Variants in ARMH3 observed in about 807,000 individuals in gnomAD.
ARMH3 encodes armadillo like helical domain containing 3.
A neutral mutation model predicts 99.1 loss-of-function variants in ARMH3; 60 were observed. That is an observed-to-expected ratio of 0.61 (90% CI 0.49 to 0.75). The LOEUF (loss-of-function observed/expected upper bound fraction) is 0.75. Among genes scored for constraint, ARMH3 ranks in the 30% least tolerant of loss-of-function variants. The pLI is 0.00. For synonymous variants in ARMH3, 285 were observed against 292.8 expected, an observed-to-expected ratio of 0.97 and a Z score of 0.27; for missense variants, 679 against 843.1, an observed-to-expected ratio of 0.81 and a Z score of 2.41.
At chr10:102,004,258 T>C (rs2066432891) in intron 14 of ARMH3, among the ~76,000 whole-genome samples, 1 of 152,114 alleles carries the variant, frequency 6.6e-6, no homozygotes, top group Admixed American at 6.6e-5. Flanking sequence ...ATAATTAAGA[T>C]CTAAAAATTA....
chr10:101,890,533 C>A (rs937340238), intron 23 of ARMH3, among the ~76,000 whole-genome samples: 4 of 152,176 alleles, frequency 2.6e-5, no homozygotes, highest in Non-Finnish European at 4.4e-5. Flanking sequence ...TGAGCCACAG[C>A]GGCTGGCCAA....
chr10:101,917,152 C>G (rs1211025596), intron 23 of ARMH3, among the ~76,000 whole-genome samples: 2 of 152,140 alleles, frequency 1.3e-5, no homozygotes, highest in African/African-American at 4.8e-5. Flanking sequence ...GTATACAGTT[C>G]TGCAAGTTTT....
At chr10:102,003,309 C>G (rs926843773) in intron 14 of ARMH3, among the ~76,000 whole-genome samples, 3 of 152,020 alleles carry the variant, frequency 2.0e-5, no homozygotes, top group African/African-American at 7.2e-5. Context: ...ATTACAGGCA[C>G]CCACCACCAT....
chr10:101,890,684 A>G (rs182636841), intron 23 of ARMH3, among the ~76,000 whole-genome samples: 17 of 152,358 alleles, frequency 1.1e-4, no homozygotes, highest in African/African-American at 3.6e-4. Flanking sequence ...TGGGAAACAC[A>G]GTAACTTTAT....
chr10:102,033,437 T>G (rs2067180456), intron 2 of ARMH3, 98 bp from the exon 3 acceptor site: 2 of 1,235,586 alleles, frequency 1.6e-6, no homozygotes, highest in African/African-American at 3.0e-5. Context: ...TTTTTTTTTT[T>G]GAGATGGAAT....
intron 23 of ARMH3, among the ~76,000 whole-genome samples, chr10:101,935,180 T>TATATATATATATATATATATATATATAG (rs1843905422): frequency 6.9e-6 from 1 of 145,162 alleles, no homozygotes; most frequent in Admixed American, 6.9e-5. Context: ...GAGCAATATA[T>TATATATATATATATATATATATATATAG]ATATATATAT....
At chr10:102,047,967 G>A (rs770754444) in intron 1 of ARMH3, among the ~76,000 whole-genome samples, 9 of 152,046 alleles carry the variant, frequency 5.9e-5, no homozygotes, top group Non-Finnish European at 8.8e-5. Context: ...TACAATACTC[G>A]AGGCAGCCTC....
intron 23 of ARMH3, among the ~76,000 whole-genome samples, chr10:101,920,299 G>A (rs540016023): frequency 9.1e-4 from 139 of 152,314 alleles, no homozygotes; most frequent in Non-Finnish European, 1.2e-3. Flanking sequence ...AGGCAGGGAG[G>A]AATGGTATAT....
intron 22 of ARMH3, among the ~76,000 whole-genome samples, chr10:101,942,919 C>T (rs1033944819): frequency 6.6e-6 from 1 of 151,580 alleles, no homozygotes; most frequent in East Asian, 1.9e-4. Flanking sequence ...CAGTAACTTA[C>T]CCTCCTACCT....
chr10:101,964,635 T>C (rs1427993595), intron 20 of ARMH3, among the ~76,000 whole-genome samples: 1 of 152,240 alleles, frequency 6.6e-6, no homozygotes, highest in Non-Finnish European at 1.5e-5. Flanking sequence ...GGACAAATGC[T>C]GTTTAATTCC....
At chr10:101,969,164 T>C (rs1368531854) in intron 20 of ARMH3, among the ~76,000 whole-genome samples, 3 of 152,180 alleles carry the variant, frequency 2.0e-5, no homozygotes, top group African/African-American at 7.2e-5. Context: ...GCCTGGATAC[T>C]CTCTTCAAAA....
chr10:102,018,939 G>A (rs968717936), intron 8 of ARMH3, among the ~76,000 whole-genome samples: 16 of 151,954 alleles, frequency 1.1e-4, no homozygotes, highest in African/African-American at 3.4e-4. Flanking sequence ...CCTGGGCAAC[G>A]GAGTGAGACT....
intron 23 of ARMH3, among the ~76,000 whole-genome samples, chr10:101,916,958 T>C (rs1843113639): frequency 6.6e-6 from 1 of 152,162 alleles, no homozygotes. Context: ...ACCACCCAAG[T>C]TCTCAGTCCT....
At chr10:101,887,216 T>C (rs2067569581) in intron 24 of ARMH3, among the ~76,000 whole-genome samples, 1 of 152,064 alleles carries the variant, frequency 6.6e-6, no homozygotes, top group Non-Finnish European at 1.5e-5. Context: ...ATTTTGAGGG[T>C]GGCTCTCAAG....
intron 22 of ARMH3, among the ~76,000 whole-genome samples, chr10:101,944,257 TATATATATATATATATAG>T (rs1844380618): frequency 1.6e-5 from 1 of 62,164 alleles, no homozygotes; most frequent in Non-Finnish European, 2.8e-5. Context: ...TATATATATA[TATATATATATATATATAG>T]AGAGAGAGAG....
At chr10:101,968,048 A>T (rs1034659029) in intron 20 of ARMH3, among the ~76,000 whole-genome samples, 3 of 152,188 alleles carry the variant, frequency 2.0e-5, no homozygotes, top group South Asian at 4.1e-4. Flanking sequence ...TGCTAAAAAA[A>T]AAAAATAAAT....
intron 24 of ARMH3, among the ~76,000 whole-genome samples, chr10:101,887,518 C>T (rs1231024374): frequency 1.3e-5 from 2 of 151,946 alleles, no homozygotes; most frequent in Non-Finnish European, 2.9e-5. Flanking sequence ...CAGCTCCCAC[C>T]TCAGCCTCCC....
chr10:102,008,955 C>T (rs2066570338), intron 13 of ARMH3, among the ~76,000 whole-genome samples: 1 of 152,094 alleles, frequency 6.6e-6, no homozygotes. Context: ...ATATTTTTTA[C>T]TTTTTTCCTC....
chr10:102,021,332 A>G (rs967138198), intron 8 of ARMH3, among the ~76,000 whole-genome samples: 9 of 151,532 alleles, frequency 5.9e-5, no homozygotes, highest in Non-Finnish European at 1.5e-5. Context: ...CACTAGCCTT[A>G]GCCTCCCAAA....
Sources: gnomAD v4.1 joint callset for allele counts (sites outside exome capture counted in the v4.1 genomes callset) on GRCh38, gnomAD v4.1.1 for gene constraint, MANE v1.5 for transcripts, NCBI Gene and HGNC (gene_info 2026-07-23, HGNC 2026-07-21) for gene names.